IFT43: variants seen among roughly 807,000 people sequenced by gnomAD.
IFT43 encodes the protein intraflagellar transport 43.
In IFT43, 33 loss-of-function variants were observed where a neutral mutation model predicts 32.3. That is an observed-to-expected ratio of 1.02 (90% CI 0.77 to 1.37). IFT43 has a LOEUF of 1.37. IFT43 is among the 40% of genes most tolerant of loss of function. The pLI, the probability that IFT43 is intolerant of heterozygous loss-of-function variation, is 0.00. For missense variants in IFT43, 274 were observed against 265.9 expected (o/e 1.03, Z -0.21); for synonymous variants, 93 against 98.2 (o/e 0.95, Z 0.31).
At chr14:76,070,467 C>T (rs544833094) in intron 5 of IFT43, among the ~76,000 whole-genome samples, 47 of 152,292 alleles carry the variant, frequency 3.1e-4, no homozygotes, top group Middle Eastern at 3.4e-3. Flanking sequence ...AAGAACATTT[C>T]GTTATGTTGG....
Position 76,082,639 on chromosome 14 carries a change from A to T in IFT43, c.391A>T (p.Thr131Ser). 1.2e-6 allele frequency: 2 copies of T among 1,613,898 alleles called. No homozygotes were observed. Among genetic ancestry groups the T allele is most frequent in the Non-Finnish European group, 1.7e-6 (2 of 1,179,952 alleles). ...CAGCATCCAGATAAAGCGGGTGATG[A>T]CCTACCGTGACCTGGACAATGACCT... ...PPSIQIKRVM[T>S]YRDLDNDLMK... Residue 131 changes from threonine (T) to serine (S), a missense_variant, in exon 7 of 9, where the codon ACC becomes TCC. Transcript: ENST00000314067.
At chr14:75,998,765 A>T (rs2035795394) in intron 2 of IFT43, among the ~76,000 whole-genome samples, 1 of 152,204 alleles carries the variant, frequency 6.6e-6, no homozygotes, top group South Asian at 2.1e-4. Flanking sequence ...GTACACACTG[A>T]GTGAGGTCTC....
chr14:75,992,776 A>G (rs1436456134), intron 2 of IFT43, among the ~76,000 whole-genome samples: 1 of 152,112 alleles, frequency 6.6e-6, no homozygotes, highest in African/African-American at 2.4e-5. Context: ...CCTGGCCTCA[A>G]TCGATCCTCC....
intron 5 of IFT43, among the ~76,000 whole-genome samples, chr14:76,081,678 A>G (rs1052835522): frequency 1.3e-5 from 2 of 152,206 alleles, no homozygotes; most frequent in African/African-American, 4.8e-5. Flanking sequence ...GAAAAGCATG[A>G]TTGTAGAATC....
chr14:76,063,704 A>G (rs891753798), intron 5 of IFT43, among the ~76,000 whole-genome samples: 1 of 152,256 alleles, frequency 6.6e-6, no homozygotes. Context: ...ATGGCGGGAA[A>G]TGGAGTCTTA....
chr14:75,985,805 T>A lies in IFT43; in HGVS notation c.19T>A (p.Leu7Met). Reference protein sequence around the residue: MEDLLDLDEELRYSLAT... With the variant: MEDLLDMDEELRYSLAT... ...CGCGGAGATGGAGGATTTGCTCGAC[T>A]TGGACGAGGAGCTTCGCTACAGCTT... is the stretch of plus-strand genomic sequence containing the variant. The change falls in exon 1 of 9, where the codon TTG (leucine) becomes ATG (methionine). Residue 7 changes from leucine (L) to methionine (M), a missense_variant. By Grantham distance (15) the Leu-to-Met change is conservative (BLOSUM62 2). Transcript: ENST00000314067. 6.2e-7 allele frequency: 1 copy of A among 1,614,200 alleles called. No individual in the cohort carries two copies. The highest frequency in any genetic ancestry group is 1.1e-5 in the South Asian group (1 of 91,076).
At chr14:76,066,212 A>G (rs2037222284) in intron 5 of IFT43, among the ~76,000 whole-genome samples, 1 of 152,270 alleles carries the variant, frequency 6.6e-6, no homozygotes, top group Non-Finnish European at 1.5e-5. Context: ...ACCTATTTTC[A>G]AGAATACTTC....
At chr14:76,058,522 CAAAT>C (rs1178827411) in intron 3 of IFT43, 116 bp from the exon 4 acceptor site, 9 of 1,197,008 alleles carry the variant, frequency 7.5e-6, no homozygotes, top group Non-Finnish European at 1.1e-5. Flanking sequence ...GGACTGCAGA[CAAAT>C]AAAGCACTTG....
At chr14:76,049,981 C>G (rs974777708) in intron 3 of IFT43, among the ~76,000 whole-genome samples, 2 of 152,192 alleles carry the variant, frequency 1.3e-5, no homozygotes, top group African/African-American at 4.8e-5. Flanking sequence ...TGACGCCATT[C>G]TCATCTCCAG....
At chr14:76,029,283 A>G (rs950194362) in intron 3 of IFT43, among the ~76,000 whole-genome samples, 4 of 152,170 alleles carry the variant, frequency 2.6e-5, no homozygotes, top group African/African-American at 9.7e-5. Flanking sequence ...GTGTCTGTTC[A>G]TGGCCTTTGC....
intron 2 of IFT43, among the ~76,000 whole-genome samples, chr14:76,014,936 T>G (rs970528812): frequency 6.6e-6 from 1 of 152,182 alleles, no homozygotes. Flanking sequence ...GCCTTTTGAG[T>G]TTCAGATTAA....
intron 2 of IFT43, among the ~76,000 whole-genome samples, chr14:76,019,586 G>A (rs2036252974): frequency 6.6e-6 from 1 of 152,064 alleles, no homozygotes; most frequent in Admixed American, 6.5e-5. Flanking sequence ...AGACCTTCAA[G>A]CTTCCTGTAT....
intron 3 of IFT43, among the ~76,000 whole-genome samples, chr14:76,034,339 C>T (rs1467015233): frequency 1.3e-5 from 2 of 152,082 alleles, no homozygotes; most frequent in Non-Finnish European, 2.9e-5. Flanking sequence ...ATGTCTCTTC[C>T]TTGTCCCCAT....
chr14:76,062,103 C>G (rs1197615635), intron 5 of IFT43, among the ~76,000 whole-genome samples: 5 of 150,900 alleles, frequency 3.3e-5, no homozygotes, highest in Non-Finnish European at 7.4e-5. Flanking sequence ...CAGAGTCTCA[C>G]TCTGTTTCCT....
intron 5 of IFT43, among the ~76,000 whole-genome samples, chr14:76,071,998 G>A (rs1279149125): frequency 3.3e-5 from 5 of 152,070 alleles, no homozygotes; most frequent in Admixed American, 3.3e-4. Context: ...CCCCCATCGC[G>A]ATTCTCAGCT....
chr14:76,055,752 T>C (rs1028752190), intron 3 of IFT43, among the ~76,000 whole-genome samples: 4 of 152,246 alleles, frequency 2.6e-5, no homozygotes, highest in African/African-American at 9.6e-5. Flanking sequence ...ATTATTTGCA[T>C]GTTCGCATTT....
At chr14:75,999,541 A>G (rs2035844156) in intron 2 of IFT43, among the ~76,000 whole-genome samples, 1 of 152,122 alleles carries the variant, frequency 6.6e-6, no homozygotes, top group South Asian at 2.1e-4. Flanking sequence ...AGAAAACTTC[A>G]TATTCTAAGT....
chr14:76,070,393 A>T (rs1162710165), intron 5 of IFT43, among the ~76,000 whole-genome samples: 1 of 152,216 alleles, frequency 6.6e-6, no homozygotes, highest in African/African-American at 2.4e-5. Flanking sequence ...GAGAGAAAGT[A>T]GAAAGAATTC....
intron 3 of IFT43, among the ~76,000 whole-genome samples, chr14:76,050,969 G>A (rs960273074): frequency 6.6e-6 from 1 of 151,864 alleles, no homozygotes; most frequent in Non-Finnish European, 1.5e-5. Context: ...AAACAAAGCT[G>A]TCATTTTTAA....
Sources: gnomAD v4.1 joint callset for allele counts (sites outside exome capture counted in the v4.1 genomes callset) on GRCh38, gnomAD v4.1.1 for gene constraint, MANE v1.5 for transcripts, NCBI Gene and HGNC (gene_info 2026-07-23, HGNC 2026-07-21) for gene names.